The following FHIT variants were observed in gnomAD, a reference collection of about 807,000 sequenced individuals.
The protein encoded by FHIT is bis(5'-adenosyl)-triphosphatase.
Under a neutral mutation model 17.9 loss-of-function variants are expected in FHIT, and 19 were observed. That is an observed-to-expected ratio of 1.06 (90% confidence interval 0.74 to 1.56). FHIT has a LOEUF of 1.56. Among genes scored for constraint, FHIT ranks in the 40% most tolerant of loss-of-function variants. The pLI, the probability that FHIT is intolerant of heterozygous loss-of-function variation, is 0.00. For synonymous variants in FHIT, 81 were observed against 69.7 expected (o/e 1.16, Z -0.81); for missense variants, 248 against 189.2 (o/e 1.31, Z -1.82).
chr3:60,490,938 T>G (rs2034037603), intron 5 of FHIT, among the ~76,000 whole-genome samples: 1 of 152,184 alleles, frequency 6.6e-6, no homozygotes, highest in Non-Finnish European at 1.5e-5. Context: ...GCTTTGACCT[T>G]TGTGCTACCT....
intron 3 of FHIT, among the ~76,000 whole-genome samples, chr3:60,895,668 T>TCCTTTCTTTCTA (rs1553761724): frequency 1.2e-4 from 2 of 16,286 alleles, no homozygotes; most frequent in African/African-American, 2.2e-4. Flanking sequence ...CTTCCTTCCT[T>TCCTTTCTTTCTA]TCTTTCTTTC....
intron 9 of FHIT, chr3:59,751,502 C>CAGAT (rs1700898168): frequency 4.7e-6 from 1 of 212,964 alleles, no homozygotes; most frequent in Non-Finnish European, 9.5e-6. Flanking sequence ...TATAGATTGC[C>CAGAT]AGATAGATCT....
chr3:59,758,526 A>G (rs1433100704), intron 8 of FHIT, among the ~76,000 whole-genome samples: 1 of 152,208 alleles, frequency 6.6e-6, no homozygotes, highest in Admixed American at 6.5e-5. Flanking sequence ...TTCCCTTTTC[A>G]GTGATCTTTC....
chr3:61,052,516 C>T (rs978955157), intron 2 of FHIT, among the ~76,000 whole-genome samples: 2 of 152,196 alleles, frequency 1.3e-5, no homozygotes, highest in South Asian at 2.1e-4. Flanking sequence ...GCCAACCACA[C>T]CCACCTGCAG....
At chr3:59,927,472 A>AAAAAAAC (rs1553718382) in intron 7 of FHIT, among the ~76,000 whole-genome samples, 6 of 146,792 alleles carry the variant, frequency 4.1e-5, no homozygotes, top group African/African-American at 1.6e-4. Context: ...TTAAAAAAAA[A>AAAAAAAC]AAAAAAAACT....
intron 4 of FHIT, among the ~76,000 whole-genome samples, chr3:60,727,157 T>A (rs782192166): frequency 6.6e-6 from 1 of 152,280 alleles, no homozygotes. Context: ...GAAAACAATT[T>A]CCCTTTCAGT....
chr3:61,053,543 A>C (rs1413843066), intron 2 of FHIT, among the ~76,000 whole-genome samples: 2 of 152,088 alleles, frequency 1.3e-5, no homozygotes, highest in Non-Finnish European at 2.9e-5. Context: ...CTGTAATCCC[A>C]GCTACTCAAG....
intron 5 of FHIT, among the ~76,000 whole-genome samples, chr3:60,024,055 A>C (rs1311090695): frequency 1.3e-5 from 2 of 152,190 alleles, no homozygotes; most frequent in African/African-American, 4.8e-5. Context: ...GGGATAGAAA[A>C]ATAAATACAA....
chr3:60,656,938 G>C (rs1468015475), intron 4 of FHIT, among the ~76,000 whole-genome samples: 1 of 151,040 alleles, frequency 6.6e-6, no homozygotes, highest in South Asian at 2.1e-4. Flanking sequence ...TATGGTATGT[G>C]CTCAGCAGCA....
chr3:60,582,427 T>C (rs1005901417), intron 4 of FHIT, among the ~76,000 whole-genome samples: 1 of 152,084 alleles, frequency 6.6e-6, no homozygotes, highest in Non-Finnish European at 1.5e-5. Flanking sequence ...TTATAAAACA[T>C]TTGTAGATAG....
At chr3:61,210,755 G>A (rs144732934) in intron 1 of FHIT, among the ~76,000 whole-genome samples, 119 of 152,044 alleles carry the variant, frequency 7.8e-4, no homozygotes, top group East Asian at 7.8e-3. Flanking sequence ...TGCGCTTCCC[G>A]GATAAGGCAA....
intron 5 of FHIT, among the ~76,000 whole-genome samples, chr3:60,153,992 A>G (rs924736405): frequency 6.6e-6 from 1 of 152,246 alleles, no homozygotes; most frequent in Non-Finnish European, 1.5e-5. Flanking sequence ...ATGATTGACT[A>G]TAAGTGTAAT....
intron 4 of FHIT, among the ~76,000 whole-genome samples, chr3:60,694,858 G>A (rs1022560391): frequency 6.6e-6 from 1 of 151,932 alleles, no homozygotes; most frequent in Non-Finnish European, 1.5e-5. Flanking sequence ...GGTGGGAACT[G>A]AACAATGAAA....
At chr3:60,693,581 G>A (rs1353089504) in intron 4 of FHIT, among the ~76,000 whole-genome samples, 1 of 152,274 alleles carries the variant, frequency 6.6e-6, no homozygotes. Flanking sequence ...GGCATATTAA[G>A]TCTAAGGAGT....
intron 3 of FHIT, among the ~76,000 whole-genome samples, chr3:60,999,270 C>T (rs1251933004): frequency 6.6e-6 from 1 of 152,048 alleles, no homozygotes; most frequent in Admixed American, 6.6e-5. Context: ...GATATCACTG[C>T]AGATTTGAGT....
chr3:59,840,393 TAAA>T (rs5849304), intron 8 of FHIT, among the ~76,000 whole-genome samples: 1 of 139,704 alleles, frequency 7.2e-6, no homozygotes, highest in Non-Finnish European at 1.5e-5. Context: ...TATCCCCCTT[TAAA>T]AAAAAAAAAA....
intron 4 of FHIT, among the ~76,000 whole-genome samples, chr3:60,669,961 C>T (rs2040472875): frequency 6.6e-6 from 1 of 152,180 alleles, no homozygotes. Flanking sequence ...TTTAAGATTC[C>T]TAGTCACTTG....
intron 4 of FHIT, among the ~76,000 whole-genome samples, chr3:60,783,133 G>A (rs186183892): frequency 7.6e-4 from 112 of 146,984 alleles, no homozygotes; most frequent in African/African-American, 2.7e-3. Flanking sequence ...ACAGGAGTGC[G>A]CCACCAGCTA....
At chr3:59,848,174 T>C (rs1057450953) in intron 8 of FHIT, among the ~76,000 whole-genome samples, 2 of 152,166 alleles carry the variant, frequency 1.3e-5, no homozygotes, top group African/African-American at 4.8e-5. Context: ...CTGCCTGCCA[T>C]GGGGCTGAAA....
Sources: gnomAD v4.1 joint callset for allele counts (sites outside exome capture counted in the v4.1 genomes callset) on GRCh38, gnomAD v4.1.1 for gene constraint, MANE v1.5 for transcripts, NCBI Gene and HGNC (gene_info 2026-07-23, HGNC 2026-07-21) for gene names.